Variants in RAE1 observed in about 807,000 individuals in gnomAD.
The protein encoded by RAE1 is mRNA export factor RAE1.
In RAE1, 13 loss-of-function variants were observed where a neutral mutation model predicts 52.7. That is an observed-to-expected ratio of 0.25 (90% confidence interval 0.16 to 0.39). The LOEUF (loss-of-function observed/expected upper bound fraction) is 0.39, where lower values mean the gene tolerates loss of function less well. Among genes scored for constraint, RAE1 ranks in the 10% least tolerant of loss-of-function variants. RAE1 has a pLI of 1.00. For synonymous variants in RAE1, 164 were observed against 153.1 expected, an observed-to-expected ratio of 1.07 and a Z score of -0.52; for missense variants, 262 against 459.8, an observed-to-expected ratio of 0.57 and a Z score of 3.93.
At chr20:57,356,833 T>C (rs1003473340) in intron 4 of RAE1, among the ~76,000 whole-genome samples, 4 of 152,206 alleles carry the variant, frequency 2.6e-5, no homozygotes, top group Admixed American at 2.6e-4. Flanking sequence ...CAAGCTGCAG[T>C]GGGCGGGCCT....
At chr20:57,369,745 G>A (rs766164850) in intron 8 of RAE1, among the ~76,000 whole-genome samples, 60 of 152,058 alleles carry the variant, frequency 3.9e-4, no homozygotes, top group Non-Finnish European at 6.8e-4. Context: ...AGGGCTGCTG[G>A]GCCTGCACTC....
chr20:57,359,123 G>T, intron 4 of RAE1: 1 of 963,840 alleles, frequency 1.0e-6, no homozygotes, highest in South Asian at 2.5e-5. Flanking sequence ...ATATGTCACT[G>T]GGCAGATAGT....
intron 4 of RAE1, among the ~76,000 whole-genome samples, chr20:57,364,331 C>T (rs1002316884): frequency 5.9e-5 from 9 of 152,168 alleles, no homozygotes; most frequent in Admixed American, 2.0e-4. Context: ...ATGCTGATGA[C>T]GTGGTGGGGC....
At chr20:57,353,341 T>A (rs1434380603) in intron 1 of RAE1, among the ~76,000 whole-genome samples, 2 of 152,206 alleles carry the variant, frequency 1.3e-5, no homozygotes, top group Non-Finnish European at 2.9e-5. Flanking sequence ...AAATGAAGAC[T>A]GGTGAGATTA....
At chr20:57,373,402 TGACTTACCTTCA>T in intron 8 of RAE1, 61 bp from the exon 9 acceptor site, 1 of 1,447,846 alleles carries the variant, frequency 6.9e-7, no homozygotes, top group Non-Finnish European at 9.6e-7. Flanking sequence ...GGGGTAAAAA[TGACTTACCTTCA>T]CGTTAGTCAT....
rs2066992415 is a variant in RAE1 at position 57,368,703 on chromosome 20, A to G, written c.535-2A>G. The G allele has an allele frequency of 6.2e-7, 1 of 1,604,746 alleles. No homozygotes were observed. The highest frequency in any genetic ancestry group is 1.3e-5 in the African/African-American group (1 of 74,700). On this transcript the variant is annotated splice_acceptor_variant, in intron 7 of 11. Transcript: ENST00000395841. LOFTEE classifies it high-confidence loss of function. ...GCATCTCTGTTTTCTTCCATTCCCT[A>G]GATATACCCCATGGCTGTGGTGGCA... is the stretch of plus-strand genomic sequence containing the variant.
rs748185484 is a variant in RAE1, at chr20:57,365,460, A to G, written c.375+18A>G. 2 of 1,559,534 alleles carry G rather than the reference A, an allele frequency of 1.3e-6. No homozygotes were observed. The highest frequency in any genetic ancestry group is 1.7e-5 in the Admixed American group (1 of 57,236). ...TCGCACAGGTAACAGAAGCCTCTGC[A>G]GAAAGGCTAGGCACAACTGGTACCC... On this transcript the variant is annotated intron_variant, in intron 5 of 11. Transcript: ENST00000395841.
intron 5 of RAE1, 132 bp downstream of exon 5, chr20:57,365,574 A>G: frequency 1.7e-6 from 1 of 587,552 alleles, no homozygotes; most frequent in South Asian, 3.4e-5. Context: ...ATTAGACAAT[A>G]TAACAGAAAC....
At chr20:57,367,739 C>CAAA (rs374097734) in intron 7 of RAE1, among the ~76,000 whole-genome samples, 2 of 68,110 alleles carry the variant, frequency 2.9e-5, no homozygotes, top group Admixed American at 3.1e-4. Context: ...GATACTATCT[C>CAAA]AAAAAAAAAA....
chr20:57,358,907 G>A, intron 4 of RAE1: 2 of 1,318,894 alleles, frequency 1.5e-6, no homozygotes, highest in Non-Finnish European at 2.0e-6. Context: ...TAGGCTTGTT[G>A]GAGTTTTTAT....
intron 2 of RAE1, 38 bp from the exon 3 acceptor site, chr20:57,354,674 A>T: frequency 7.0e-7 from 1 of 1,423,696 alleles, no homozygotes; most frequent in Non-Finnish European, 9.5e-7. Flanking sequence ...TGAAGTTGTG[A>T]GCGTGCATAC....
In RAE1 at chr20:57,374,899, C is replaced by CA. The variant is rs769341654; in HGVS notation, c.1020+99dup. 1.5e-5 allele frequency: 21 copies of CA among 1,358,962 alleles called. No individual in the cohort carries two copies. The African/African-American group carries it at 2.3e-4, about 15-fold the overall frequency. The allele number at this position is 1,358,962 out of a possible 1,614,324, so 84.2% of individuals were successfully genotyped here. A position where few individuals can be genotyped will look rare whatever the true frequency, so the allele number is the denominator to read the frequency against. ...CTGAGTTGTGACTCTTCTCAGGACT[C>CA]ACGTGTGTCCTTGGGCAGGTCACCG... On this transcript the variant is annotated intron_variant, in intron 11 of 11. Transcript: ENST00000395841.
At chr20:57,357,159 T>G (rs1167021547) in intron 4 of RAE1, among the ~76,000 whole-genome samples, 3 of 152,218 alleles carry the variant, frequency 2.0e-5, no homozygotes, top group Non-Finnish European at 4.4e-5. Flanking sequence ...AAACTGAACC[T>G]TTTTGGTATA....
chr20:57,359,822 G>C (rs2066864865), intron 4 of RAE1: 1 of 152,214 alleles, frequency 6.6e-6, no homozygotes, highest in Non-Finnish European at 1.5e-5. Flanking sequence ...GCTTGTCTTT[G>C]CTTTTTAGTC....
rs754571647 is a variant in RAE1, at chr20:57,373,743, G to A, written c.825+5G>A. 3 of 1,611,030 alleles carry A rather than the reference G, an allele frequency of 1.9e-6. No homozygotes were observed. The highest frequency in any genetic ancestry group is 2.2e-5 in the South Asian group (2 of 91,022). ...GCTCCTCAGGACATTTATGCGGTAC[G>A]TTTTTAGACACTTTAACCGTGGTAA... is the stretch of plus-strand genomic sequence containing the variant. On this transcript the variant is annotated splice_donor_5th_base_variant and intron_variant, in intron 10 of 11. Coordinates refer to ENST00000395841, the MANE Select transcript of RAE1 (RefSeq NM_003610.4).
chr20:57,373,130 G>A, intron 8 of RAE1: 1 of 305,076 alleles, frequency 3.3e-6, no homozygotes, highest in Non-Finnish European at 6.2e-6. Flanking sequence ...CTCCTGAGGG[G>A]TGTCTGCCTA....
At chr20:57,358,971 C>A (rs1293977618) in intron 4 of RAE1, 5 of 1,473,454 alleles carry the variant, frequency 3.4e-6, no homozygotes, top group Non-Finnish European at 3.6e-6. Flanking sequence ...TTGTTTATAT[C>A]CGCCTCTTCA....
chr20:57,362,415 T>A (rs2066903135), intron 4 of RAE1, among the ~76,000 whole-genome samples: 1 of 152,222 alleles, frequency 6.6e-6, no homozygotes, highest in South Asian at 2.1e-4. Flanking sequence ...ATGCAACTTA[T>A]TTTTAGTTTA....
At chr20:57,357,429 T>C (rs540840457) in intron 4 of RAE1, 1 of 152,274 alleles carries the variant, frequency 6.6e-6, no homozygotes, top group Admixed American at 6.5e-5. Flanking sequence ...ATATTTCCTA[T>C]GTTTGGGGTG....
Sources: allele counts gnomAD v4.1 joint callset (sites outside exome capture counted in the v4.1 genomes callset), GRCh38; gene constraint gnomAD v4.1.1; transcripts MANE v1.5; gene names NCBI Gene and HGNC (gene_info 2026-07-23, HGNC 2026-07-21).